Variants in MYH14 observed in about 807,000 individuals in gnomAD.
MYH14 encodes the protein myosin-14.
MYH14 carries 123 observed loss-of-function variants against 255.5 expected under a neutral mutation model. That is an observed-to-expected ratio of 0.48 (90% CI 0.42 to 0.56). The LOEUF is 0.56. Among genes scored for constraint, MYH14 ranks in the 20% least tolerant of loss-of-function variants. MYH14 has a pLI of 0.00. For synonymous variants in MYH14, 1,095 were observed against 1,161.2 expected (o/e 0.94, Z 1.16); for missense variants, 2,423 against 2,802.3 (o/e 0.86, Z 3.06).
chr19:50,309,780 AC>A lies in MYH14; in HGVS notation c.6106del (p.Gln2036SerfsTer33). 1.1e-6 allele frequency: 1 copy of A among 919,098 alleles called. No individual in the cohort carries two copies. Among genetic ancestry groups the A allele is most frequent in the Non-Finnish European group, 1.6e-6 (1 of 629,834 alleles). 56.9% of individuals were successfully genotyped at this position (919,098 alleles called of 1,614,324 possible). A position where few individuals can be genotyped will look rare whatever the true frequency, so the allele number is the denominator to read the frequency against. On this transcript the variant is annotated frameshift_variant, in exon 43 of 43. Coordinates refer to ENST00000642316, the MANE Select transcript of MYH14 (RefSeq NM_001145809.2). LOFTEE classifies it high-confidence loss of function. The part of the protein sequence containing the change: ...SPEPEGSPPA[H>X]PQ ...GAGCCTGAGGGGTCCCCACCAGCCC[AC>A]CCCCAGTGACCCTACCCTGTCCCCA...
intron 10 of MYH14, among the ~76,000 whole-genome samples, chr19:50,239,185 G>A (rs974899136): frequency 1.3e-5 from 2 of 151,942 alleles, no homozygotes; most frequent in African/African-American, 4.8e-5. Flanking sequence ...ACACCCAGCT[G>A]ATTTTGTATT....
At chr19:50,304,780 C>G (rs988139085) in intron 40 of MYH14, among the ~76,000 whole-genome samples, 2 of 152,146 alleles carry the variant, frequency 1.3e-5, no homozygotes, top group African/African-American at 4.8e-5. Flanking sequence ...TGAAGGGACA[C>G]AGATGAAGAA....
rs1163747484 is a variant in MYH14 at position 50,206,732 on chromosome 19, A to AG, written c.-4+3067dup. 3.9e-5 allele frequency among the ~76,000 whole-genome samples: 6 copies of AG among 152,146 alleles called. No homozygotes were observed. In the South Asian group the frequency reaches 8.3e-4, roughly 21 times the overall value. On this transcript the variant is annotated intron_variant, in intron 1 of 42. Transcript: ENST00000642316. ...GCAGGAGTCTGTTGGGACCAGATCCAGGGGGGCCTCCAGGGCAGCTGGGCG... is the reference window on the plus strand; with the variant it reads ...GCAGGAGTCTGTTGGGACCAGATCCAGGGGGGGCCTCCAGGGCAGCTGGGCG...
At chr19:50,269,216 G>A (rs1271896448) in intron 24 of MYH14, among the ~76,000 whole-genome samples, 2 of 151,972 alleles carry the variant, frequency 1.3e-5, no homozygotes, top group African/African-American at 2.4e-5. Context: ...TTGCTCTGTC[G>A]CCCAGGCTGG....
intron 21 of MYH14, among the ~76,000 whole-genome samples, chr19:50,262,253 C>T (rs559172741): frequency 6.6e-6 from 1 of 152,252 alleles, no homozygotes; most frequent in Admixed American, 6.5e-5. Flanking sequence ...GAGTCTCCTT[C>T]CTCCTTAGAA....
intron 6 of MYH14, 68 bp from the exon 7 acceptor site, chr19:50,225,517 G>C (rs529287007): frequency 7.9e-7 from 1 of 1,267,820 alleles, no homozygotes; most frequent in African/African-American, 1.5e-5. Flanking sequence ...GACACAGCCC[G>C]AGCTGGGCTG....
At position 50,292,366 on chromosome 19, in the gene MYH14, G is replaced by A; in HGVS notation, c.5233G>A (p.Ala1745Thr). 1.3e-6 allele frequency: 2 copies of A among 1,587,048 alleles called. No individual in the cohort carries two copies. Among genetic ancestry groups the A allele is most frequent in the South Asian group, 1.2e-5 (1 of 86,440 alleles). ...ESEKRLKGLE[A>T]EVLRLQEELA... ...TGAAAAGCGCCTCAAGGGCCTGGAG[G>A]CTGAGGTGCTGCGGCTGCAGGAGGT... Residue 1745 changes from alanine to threonine, a missense_variant, in exon 37 of 43, where the codon GCT becomes ACT. Physicochemically the swap from Ala to Thr is moderately conservative, Grantham distance 58. Coordinates refer to ENST00000642316, the MANE Select transcript of MYH14 (RefSeq NM_001145809.2).
intron 34 of MYH14, 74 bp downstream of exon 34, chr19:50,286,768 T>C (rs779001264): frequency 1.1e-5 from 15 of 1,369,228 alleles, no homozygotes; most frequent in Non-Finnish European, 1.5e-5. Flanking sequence ...CTTTCACACA[T>C]AGAACATGAA....
intron 42 of MYH14, 59 bp downstream of exon 42, chr19:50,309,236 C>T: frequency 6.5e-7 from 1 of 1,545,538 alleles, no homozygotes. Context: ...CCATAAACCC[C>T]AGGGACGCGA....
chr19:50,301,870 G>A lies in MYH14; in HGVS notation c.5678+1G>A, dbSNP rs1293147117. The A allele has an allele frequency of 2.5e-6, 4 of 1,608,024 alleles. No individual in the cohort carries two copies. The highest frequency in any genetic ancestry group is 3.4e-6 in the Non-Finnish European group (4 of 1,176,974). Reference sequence around the variant, plus strand: ...AGGAGCAGCTAGAGCAAGAGACCAGGTAGGTGAGAGCGGAGGCCACAGGAG... The same window carrying A: ...AGGAGCAGCTAGAGCAAGAGACCAGATAGGTGAGAGCGGAGGCCACAGGAG... On this transcript the variant is annotated splice_donor_variant, in intron 40 of 42. Transcript: ENST00000642316. LOFTEE classifies it high-confidence loss of function.
chr19:50,269,188 T>G (rs1431295271), intron 24 of MYH14, among the ~76,000 whole-genome samples: 1 of 152,154 alleles, frequency 6.6e-6, no homozygotes, highest in Admixed American at 6.5e-5. Context: ...TTGTTTTTTG[T>G]TTTTTTGAGT....
chr19:50,262,858 A>G (rs1470140394), intron 21 of MYH14, among the ~76,000 whole-genome samples: 1 of 152,162 alleles, frequency 6.6e-6, no homozygotes, highest in Non-Finnish European at 1.5e-5. Context: ...CAAAGTAATA[A>G]GAGTGCCTGC....
intron 10 of MYH14, among the ~76,000 whole-genome samples, chr19:50,239,985 C>A (rs1025013664): frequency 2.0e-5 from 3 of 152,172 alleles, no homozygotes; most frequent in South Asian, 4.1e-4. Context: ...AGGAGCCCCC[C>A]ATGTCCCTTC....
At chr19:50,209,512 C>T (rs10405352) in intron 1 of MYH14, among the ~76,000 whole-genome samples, 4,291 of 151,722 alleles carry the variant, frequency 0.028, 185 homozygotes, top group African/African-American at 0.097. Flanking sequence ...TGGCCAGGCG[C>T]GGTGGCTCAC....
At chr19:50,268,528 G>A (rs2035179364) in intron 24 of MYH14, among the ~76,000 whole-genome samples, 161 bp downstream of exon 24, 1 of 152,258 alleles carries the variant, frequency 6.6e-6, no homozygotes, top group African/African-American at 2.4e-5. Flanking sequence ...CAGATCGCGG[G>A]AGACCTTAAA....
chr19:50,217,561 C>A (rs1600867492), intron 2 of MYH14, 54 bp from the exon 3 acceptor site: 4 of 1,611,700 alleles, frequency 2.5e-6, no homozygotes, highest in Non-Finnish European at 3.4e-6. Context: ...CCCCATGACG[C>A]CTTTCAGGCC....
intron 23 of MYH14, 136 bp downstream of exon 23, chr19:50,267,144 C>A: frequency 2.3e-6 from 2 of 867,622 alleles, no homozygotes; most frequent in Non-Finnish European, 1.7e-6. Context: ...AGGATGGGAG[C>A]AAAGCTAAGG....
Position 50,231,961 on chromosome 19 carries a change from C to T in MYH14, c.1005C>T (p.Tyr335=), listed in dbSNP as rs1279506656. 1 of 1,613,996 alleles carries T rather than the reference C, an allele frequency of 6.2e-7. No individual in the cohort carries two copies. Among genetic ancestry groups the T allele is most frequent in the South Asian group, 1.1e-5 (1 of 91,088 alleles). The change falls in exon 10 of 43, where the codon TAC becomes TAT. Residue 335 remains tyrosine, a synonymous_variant. Coordinates refer to ENST00000642316, the MANE Select transcript of MYH14 (RefSeq NM_001145809.2). Reference sequence around the variant, plus strand: ...TCCTCCTCGAGCCCTGCTCCCACTACCGGTTCCTGACCAACGGGCCGTCAT... The same window carrying T: ...TCCTCCTCGAGCCCTGCTCCCACTATCGGTTCCTGACCAACGGGCCGTCAT... The part of the protein sequence containing the change: ...ADLLLEPCSH[Y]RFLTNGPSSS...
intron 22 of MYH14, among the ~76,000 whole-genome samples, chr19:50,264,641 A>G (rs1396642134): frequency 2.0e-5 from 3 of 152,176 alleles, no homozygotes; most frequent in Admixed American, 6.6e-5. Flanking sequence ...ATGATCACCA[A>G]CAGAGGCTTT....
Sources: gnomAD v4.1 joint callset for allele counts (sites outside exome capture counted in the v4.1 genomes callset) on GRCh38, gnomAD v4.1.1 for gene constraint, MANE v1.5 for transcripts, NCBI Gene and HGNC (gene_info 2026-07-23, HGNC 2026-07-21) for gene names.